Variants in CSDE1 observed in about 807,000 individuals in gnomAD.
The protein encoded by CSDE1 is cold shock domain-containing protein E1.
CSDE1 carries 17 observed loss-of-function variants against 89.3 expected under a neutral mutation model. The ratio of observed to expected loss-of-function variants is 0.19; its 90% CI spans 0.13 to 0.29. The LOEUF (loss-of-function observed/expected upper bound fraction) is 0.29, where lower values mean the gene tolerates loss of function less well. Among genes scored for constraint, CSDE1 ranks in the 10% least tolerant of loss-of-function variants. CSDE1 has a pLI of 1.00. For missense variants in CSDE1, 672 were observed against 984.2 expected (o/e 0.68, Z 4.24); for synonymous variants, 322 against 332.8 (o/e 0.97, Z 0.35).
intron 10 of CSDE1, among the ~76,000 whole-genome samples, chr1:114,731,561 G>A (rs1387297400): frequency 6.6e-6 from 1 of 151,886 alleles, no homozygotes; most frequent in African/African-American, 2.4e-5. Flanking sequence ...TAGTGTAGAT[G>A]ATATGATCCC....
Position 114,718,725 on chromosome 1 carries a change from G to GC in CSDE1, c.2236dup (p.Ala746GlyfsTer6). ...GACCAACCGATCAGGTCGAGGAGCT[G>GC]CAACAGCCTTGGGGCCCTCACTGTA... is the stretch of plus-strand genomic sequence containing the variant. On this transcript the variant is annotated frameshift_variant, in exon 19 of 20. Transcript: ENST00000358528. LOFTEE classifies it high-confidence loss of function. The GC allele has an allele frequency of 6.2e-7, 1 of 1,614,112 alleles. No homozygotes were observed. The highest frequency in any genetic ancestry group is 8.5e-7 in the Non-Finnish European group (1 of 1,179,988).
At chr1:114,730,170 CTGA>C in intron 12 of CSDE1, 85 bp downstream of exon 12, 1 of 1,405,626 alleles carries the variant, frequency 7.1e-7, no homozygotes, top group Non-Finnish European at 9.7e-7. Context: ...CAAACTTCCG[CTGA>C]TTATATGTAC....
At chr1:114,726,091 T>C in intron 14 of CSDE1, 120 bp downstream of exon 14, 1 of 1,021,174 alleles carries the variant, frequency 9.8e-7, no homozygotes, top group Non-Finnish European at 1.4e-6. Flanking sequence ...TTGCCATAAT[T>C]CTACCAATAT....
rs770606954 is a variant in CSDE1, at chr1:114,734,504, G to A, written c.520C>T (p.Arg174Cys). The change falls in exon 7 of 20, where the codon CGC (arginine) becomes TGC (cysteine). Residue 174 changes from arginine to cysteine, a missense_variant. Around this residue, in one of 8 missense-constraint regions of CSDE1, gnomAD observed 124 missense variants for 138.7 expected, o/e 0.89. Transcript: ENST00000358528. ...TTCTTTTTCAACAGCATAATGTTGC[G>A]AGCACTTACAGCACCAGTACTAGAA... is the stretch of plus-strand genomic sequence containing the variant. Reference protein sequence around the residue: ...NNKHTGAVSARNIMLLKKKQA... With the variant: ...NNKHTGAVSACNIMLLKKKQA... 3.1e-6 allele frequency: 5 copies of A among 1,612,118 alleles called. No homozygotes were observed. Among genetic ancestry groups the A allele is most frequent in the South Asian group, 1.1e-5 (1 of 90,410 alleles).
chr1:114,752,767 A>T (rs937944265), intron 1 of CSDE1, among the ~76,000 whole-genome samples: 1 of 152,252 alleles, frequency 6.6e-6, no homozygotes, highest in African/African-American at 2.4e-5. Flanking sequence ...TGAATGGGGC[A>T]GTAACATCCA....
rs952798228 is a variant in CSDE1, at chr1:114,750,136, G to T, written c.-316C>A. The T allele has an allele frequency of 1.3e-5, 2 of 152,594 alleles. No individual in the cohort carries two copies. The highest frequency in any genetic ancestry group is 2.9e-5 in the Non-Finnish European group (2 of 68,032). 9.5% of individuals were successfully genotyped at this position (152,594 alleles called of 1,614,324 possible). On this transcript the variant is annotated 5_prime_UTR_variant, in exon 2 of 20. Coordinates refer to ENST00000358528, the MANE Select transcript of CSDE1 (RefSeq NM_001007553.3). ...CTTTGGTCTTGTTAGTTGTTACGAG[G>T]TTTGTTCCTTGCCTGATCTGAACTT...
chr1:114,742,797 T>C (rs1209790488), intron 2 of CSDE1, among the ~76,000 whole-genome samples: 7 of 152,194 alleles, frequency 4.6e-5, no homozygotes, highest in South Asian at 4.1e-4. Flanking sequence ...CTTAAATTAG[T>C]TGCAATACAA....
chr1:114,723,497 G>C (rs962109907), intron 16 of CSDE1, among the ~76,000 whole-genome samples: 1 of 152,066 alleles, frequency 6.6e-6, no homozygotes, highest in Non-Finnish European at 1.5e-5. Flanking sequence ...GAAAAAAACA[G>C]TAAACTTTTA....
At chr1:114,722,229 A>T (rs1170874512) in intron 16 of CSDE1, among the ~76,000 whole-genome samples, 1 of 152,198 alleles carries the variant, frequency 6.6e-6, no homozygotes, top group Non-Finnish European at 1.5e-5. Context: ...AACTTTGAGG[A>T]GATAATCCAA....
intron 2 of CSDE1, 82 bp from the exon 3 acceptor site, chr1:114,739,972 T>C: frequency 8.2e-7 from 1 of 1,214,426 alleles, no homozygotes; most frequent in South Asian, 1.4e-5. Context: ...AGTCACTAAA[T>C]CTTCCATATA....
chr1:114,749,105 T>C (rs1485344539), intron 2 of CSDE1, among the ~76,000 whole-genome samples: 2 of 152,238 alleles, frequency 1.3e-5, no homozygotes, highest in Non-Finnish European at 2.9e-5. Flanking sequence ...CCTCTACCAA[T>C]GTCTCTTCTA....
chr1:114,725,154 C>T, intron 15 of CSDE1, 67 bp downstream of exon 15: 1 of 1,225,788 alleles, frequency 8.2e-7, no homozygotes, highest in South Asian at 1.2e-5. Flanking sequence ...CCTCATCTCC[C>T]TCTACTACTC....
chr1:114,720,332 C>T (rs918613860), intron 17 of CSDE1: 4 of 500,188 alleles, frequency 8.0e-6, no homozygotes, highest in African/African-American at 3.9e-5. Flanking sequence ...GTTACTAATA[C>T]CAATCTTACT....
At chr1:114,733,910 A>G (rs1326382037) in intron 8 of CSDE1, 53 bp from the exon 9 acceptor site, 1 of 1,607,996 alleles carries the variant, frequency 6.2e-7, no homozygotes, top group Non-Finnish European at 8.5e-7. Context: ...GAAGAATCAC[A>G]TAATTTTAAG....
intron 16 of CSDE1, among the ~76,000 whole-genome samples, chr1:114,723,177 T>C (rs2101015489): frequency 6.6e-6 from 1 of 152,218 alleles, no homozygotes; most frequent in East Asian, 1.9e-4. Context: ...TCATCTTTGG[T>C]TGGAATACTC....
In CSDE1 at chr1:114,741,656, G is replaced by A. The variant is rs769906211; in HGVS notation, c.1-1766C>T. On this transcript the variant is annotated intron_variant, in intron 2 of 19. Coordinates refer to ENST00000358528, the MANE Select transcript of CSDE1 (RefSeq NM_001007553.3). ...GAGGATCTGATGACACAGTAAAAAC[G>A]TTCTCCATCTCAAACAGCTGTTATA... 33 of 1,543,460 alleles carry A rather than the reference G, an allele frequency of 2.1e-5. No homozygotes were observed. The Middle Eastern group carries it at 5.1e-4, about 24-fold the overall frequency.
intron 2 of CSDE1, among the ~76,000 whole-genome samples, chr1:114,749,140 T>C (rs542319563): frequency 8.5e-5 from 13 of 152,232 alleles, no homozygotes; most frequent in Non-Finnish European, 1.5e-4. Context: ...ACTACTCACC[T>C]TCAAATATCC....
At chr1:114,729,048 T>C (rs533783706) in intron 12 of CSDE1, among the ~76,000 whole-genome samples, 2 of 152,260 alleles carry the variant, frequency 1.3e-5, no homozygotes, top group South Asian at 2.1e-4. Context: ...CCAAAGCACA[T>C]ACCTGATGTC....
At chr1:114,742,023 A>G (rs903388263) in intron 2 of CSDE1, among the ~76,000 whole-genome samples, 7 of 152,232 alleles carry the variant, frequency 4.6e-5, no homozygotes, top group African/African-American at 1.2e-4. Context: ...AATGGGGTGC[A>G]GAAGAAAATA....
Sources: gnomAD v4.1 joint callset for allele counts (sites outside exome capture counted in the v4.1 genomes callset) on GRCh38, gnomAD v4.1.1 for gene constraint, gnomAD v4.1.1 regional missense constraint, MANE v1.5 for transcripts, NCBI Gene and HGNC (gene_info 2026-07-23, HGNC 2026-07-21) for gene names.